Variants in NDUFA5 observed in about 807,000 individuals in gnomAD.
NDUFA5 encodes the protein NADH dehydrogenase [ubiquinone] 1 alpha subcomplex subunit 5.
A neutral mutation model predicts 19.8 loss-of-function variants in NDUFA5; 11 were observed. The observed-to-expected ratio is 0.56, with a 90% CI of 0.35 to 0.92. NDUFA5 has a LOEUF of 0.92. Ranked by LOEUF, NDUFA5 falls within the 40% of genes least tolerant of loss-of-function variation. The pLI is 0.01. For synonymous variants in NDUFA5, 47 were observed against 46.8 expected (o/e 1.00, Z -0.01); for missense variants, 109 against 134.2 (o/e 0.81, Z 0.93).
upstream of NDUFA5, chr7:123,558,028 G>A (rs1270709598): frequency 1.5e-6 from 1 of 669,690 alleles, no homozygotes; most frequent in East Asian, 2.8e-5. Flanking sequence ...GGAAAGAAAG[G>A]GTTTCCCAGC....
chr7:123,564,533 TATACAC>T, the NDUFA5 span, among the ~76,000 whole-genome samples: 1 of 151,984 alleles, frequency 6.6e-6, no homozygotes, highest in African/African-American at 2.4e-5. Context: ...CACACACACA[TATACAC>T]ATATGAAATA....
chr7:123,587,686 CTTTA>C, the NDUFA5 span, among the ~76,000 whole-genome samples: 370 of 151,638 alleles, frequency 2.4e-3, 3 homozygotes, highest in Non-Finnish European at 3.7e-3. Context: ...CAAATATGAC[CTTTA>C]TTGTGTTGAG....
rs765715308 is a variant in NDUFA5 at position 123,557,735 on chromosome 7, C to T, written c.21+40G>A. On this transcript the variant is annotated intron_variant, in intron 1 of 4. Coordinates refer to ENST00000355749, the MANE Select transcript of NDUFA5 (RefSeq NM_005000.5). ...TAGGGCTATCGGACTGAGTCTACCCCCACAGTCTAAATTCCAACAGTGACC... is the reference window on the plus strand; with the variant it reads ...TAGGGCTATCGGACTGAGTCTACCCTCACAGTCTAAATTCCAACAGTGACC... 15 of 1,614,050 alleles carry T rather than the reference C, an allele frequency of 9.3e-6. No individual in the cohort carries two copies. Among genetic ancestry groups the T allele is most frequent in the Non-Finnish European group, 1.2e-5 (14 of 1,180,020 alleles).
At chr7:123,576,390 C>G in the NDUFA5 span, among the ~76,000 whole-genome samples, 7 of 151,916 alleles carry the variant, frequency 4.6e-5, no homozygotes, top group Non-Finnish European at 8.8e-5. Flanking sequence ...TAATTTTCAT[C>G]TGTTCAATGG....
chr7:123,568,631 G>T, the NDUFA5 span, among the ~76,000 whole-genome samples: 1 of 152,038 alleles, frequency 6.6e-6, no homozygotes, highest in Non-Finnish European at 1.5e-5. Flanking sequence ...ACTTCTGTAT[G>T]GGAAATGTTG....
the NDUFA5 span, among the ~76,000 whole-genome samples, chr7:123,567,452 C>A: frequency 6.6e-6 from 1 of 152,132 alleles, no homozygotes; most frequent in Non-Finnish European, 1.5e-5. Flanking sequence ...CTAGCCTATC[C>A]AATAAAAGAG....
chr7:123,599,507 T>G, the NDUFA5 span, among the ~76,000 whole-genome samples: 2 of 152,204 alleles, frequency 1.3e-5, no homozygotes, highest in Non-Finnish European at 2.9e-5. Context: ...ACACTCTTTT[T>G]CAGGAAGAAA....
chr7:123,581,502 C>A, the NDUFA5 span, among the ~76,000 whole-genome samples: 1 of 151,246 alleles, frequency 6.6e-6, no homozygotes, highest in Non-Finnish European at 1.5e-5. Context: ...CCTAAGGGCA[C>A]ATTTTTGTTA....
At chr7:123,586,501 G>C in the NDUFA5 span, among the ~76,000 whole-genome samples, 1 of 151,398 alleles carries the variant, frequency 6.6e-6, no homozygotes, top group Admixed American at 6.6e-5. Flanking sequence ...TTTCTCCCTT[G>C]GTTGCATTTT....
At position 123,538,832 on chromosome 7, in the gene NDUFA5, G is replaced by C. The variant is rs1212380489; in HGVS notation, c.*3287C>G. The C allele has an allele frequency of 6.6e-6, 1 of 152,228 alleles. No individual in the cohort carries two copies. The highest frequency in any genetic ancestry group is 1.5e-5 in the Non-Finnish European group (1 of 68,038). The allele number at this position is 152,228 out of a possible 1,614,324, so 9.4% of individuals were successfully genotyped here. ...ACTTCTGTATGTTTACATAATCATAGAGGATGGGAGGAAAAAGAAAAAGCT... is the reference window on the plus strand; with the variant it reads ...ACTTCTGTATGTTTACATAATCATACAGGATGGGAGGAAAAAGAAAAAGCT... On this transcript the variant is annotated 3_prime_UTR_variant, in exon 5 of 5. Coordinates refer to ENST00000355749, the MANE Select transcript of NDUFA5 (RefSeq NM_005000.5).
chr7:123,571,919 A>G, the NDUFA5 span, among the ~76,000 whole-genome samples: 1 of 151,568 alleles, frequency 6.6e-6, no homozygotes, highest in African/African-American at 2.4e-5. Flanking sequence ...ACAGGCATGC[A>G]CCATCATGCC....
rs989271334 is a variant in NDUFA5 at position 123,557,109 on chromosome 7, C to T, written c.66+295G>A. 3 of 616,866 alleles carry T rather than the reference C, an allele frequency of 4.9e-6. No individual in the cohort carries two copies. In the African/African-American group the frequency reaches 5.4e-5, roughly 11 times the overall value. The allele number at this position is 616,866 out of a possible 1,614,324, so 38.2% of individuals were successfully genotyped here. ...TAAGGCAAGGAGAAAAGATGGAAAA[C>T]GGAGATATAAATTTGAGATGGCGCT... On this transcript the variant is annotated intron_variant, in intron 2 of 4. Transcript: ENST00000355749.
At chr7:123,594,623 G>A in the NDUFA5 span, among the ~76,000 whole-genome samples, 7 of 152,266 alleles carry the variant, frequency 4.6e-5, no homozygotes, top group South Asian at 8.3e-4. Flanking sequence ...CTGCAGAACA[G>A]CAAATATTGC....
intron 2 of NDUFA5, chr7:123,557,073 A>C (rs1798581646): frequency 1.8e-6 from 1 of 554,626 alleles, no homozygotes; most frequent in Non-Finnish European, 3.4e-6. Flanking sequence ...AACGCACCTA[A>C]GCAGAAACGG....
At chr7:123,544,156 CTATAA>C (rs1427797271) in intron 4 of NDUFA5, among the ~76,000 whole-genome samples, 3 of 151,860 alleles carry the variant, frequency 2.0e-5, no homozygotes, top group Non-Finnish European at 4.4e-5. Context: ...CATTCTAAAC[CTATAA>C]TATGAGGGTT....
chr7:123,583,151 G>GCAA, the NDUFA5 span, among the ~76,000 whole-genome samples: 7 of 152,046 alleles, frequency 4.6e-5, no homozygotes, highest in Admixed American at 3.9e-4. Context: ...AAGCTACTTG[G>GCAA]GAGCTGAGGC....
the NDUFA5 span, among the ~76,000 whole-genome samples, chr7:123,576,012 G>T: frequency 6.7e-6 from 1 of 149,506 alleles, no homozygotes; most frequent in East Asian, 2.0e-4. Context: ...CATTCCTTAG[G>T]GTCTCCAACT....
the NDUFA5 span, among the ~76,000 whole-genome samples, chr7:123,564,108 G>T: frequency 2.6e-5 from 4 of 152,326 alleles, no homozygotes; most frequent in African/African-American, 9.6e-5. Flanking sequence ...AATAGGCGAT[G>T]CCTAGAATAT....
chr7:123,558,222 A>G (rs182438334), upstream of NDUFA5: 182 of 216,084 alleles, frequency 8.4e-4, 1 homozygote, highest in Non-Finnish European at 1.5e-3. Flanking sequence ...CATCCTCTGA[A>G]TTGATCTCTC....
Sources: allele counts gnomAD v4.1 joint callset (sites outside exome capture counted in the v4.1 genomes callset), GRCh38; gene constraint gnomAD v4.1.1; transcripts MANE v1.5; gene names NCBI Gene and HGNC (gene_info 2026-07-23, HGNC 2026-07-21).